CLPX: variants seen among roughly 807,000 people sequenced by gnomAD.
CLPX encodes the protein ATP-dependent clpX-like chaperone, mitochondrial.
A neutral mutation model predicts 76.4 loss-of-function variants in CLPX; 34 were observed. That is an observed-to-expected ratio of 0.45 (90% CI 0.34 to 0.59). The LOEUF is 0.59. Among genes scored for constraint, CLPX ranks in the 20% least tolerant of loss-of-function variants. The probability of loss-of-function intolerance (pLI) is 0.01; values close to 1 mark genes in which losing one functional copy is unlikely to be tolerated. For missense variants in CLPX, 613 were observed against 757.0 expected, an observed-to-expected ratio of 0.81 and a Z score of 2.23; for synonymous variants, 248 against 270.9, an observed-to-expected ratio of 0.92 and a Z score of 0.83.
At chr15:65,185,031 C>CCG in intron 1 of CLPX, 44 bp downstream of exon 1, 1 of 1,505,722 alleles carries the variant, frequency 6.6e-7, no homozygotes, top group Non-Finnish European at 9.0e-7. Flanking sequence ...AGTCCACCCC[C>CCG]CCCCCGACAG....
chr15:65,180,763 G>A (rs930878880), intron 1 of CLPX, among the ~76,000 whole-genome samples: 1 of 151,932 alleles, frequency 6.6e-6, no homozygotes, highest in Non-Finnish European at 1.5e-5. Context: ...AATTGGCCAC[G>A]CATGGTGGTG....
intron 1 of CLPX, among the ~76,000 whole-genome samples, chr15:65,182,072 G>A (rs1173735170): frequency 2.7e-5 from 4 of 148,242 alleles, no homozygotes; most frequent in African/African-American, 1.0e-4. Flanking sequence ...GCAGTGAACC[G>A]AGATGGCACC....
intron 3 of CLPX, among the ~76,000 whole-genome samples, chr15:65,173,789 G>A (rs935285075): frequency 3.3e-5 from 5 of 152,172 alleles, no homozygotes; most frequent in African/African-American, 7.2e-5. Flanking sequence ...GCCACATATC[G>A]TATAATTCCA....
intron 1 of CLPX, among the ~76,000 whole-genome samples, chr15:65,183,036 G>A (rs960917268): frequency 2.0e-5 from 3 of 151,890 alleles, no homozygotes; most frequent in East Asian, 1.9e-4. Context: ...GGTGGCGCGC[G>A]CCTGTAACCC....
chr15:65,156,976 A>T, intron 8 of CLPX, 44 bp from the exon 9 acceptor site: 1 of 1,299,528 alleles, frequency 7.7e-7, no homozygotes, highest in East Asian at 2.3e-5. Flanking sequence ...AAAAAGATAT[A>T]CACAAGATAG....
Position 65,150,805 on chromosome 15 carries a change from A to G in CLPX, c.*18T>C, listed in dbSNP as rs757174098. ...AAAAGAAGGAAAAGCTGTATATACA[A>G]GACAGCAATATGACAGTTTAGCTGT... On this transcript the variant is annotated 3_prime_UTR_variant, in exon 14 of 14. Coordinates refer to ENST00000300107, the MANE Select transcript of CLPX (RefSeq NM_006660.5). 5.7e-6 allele frequency: 9 copies of G among 1,575,856 alleles called. No individual in the cohort carries two copies. In the East Asian group the frequency reaches 2.0e-4, roughly 35 times the overall value.
chr15:65,171,714 C>T lies in CLPX; in HGVS notation c.359-4929G>A, dbSNP rs150927885. ...GGCAAGGATTAAAGGGCAGAGAAGCCGCTGATCTAGTTCAGGCAGTGTGAC... is the reference window on the plus strand; with the variant it reads ...GGCAAGGATTAAAGGGCAGAGAAGCTGCTGATCTAGTTCAGGCAGTGTGAC... On this transcript the variant is annotated intron_variant, in intron 3 of 13. Transcript: ENST00000300107. 7.2e-4 allele frequency among the ~76,000 whole-genome samples: 110 copies of T among 152,220 alleles called. 1 individual carries two copies. Among genetic ancestry groups the T allele is most frequent in the African/African-American group, 2.6e-3 (108 of 41,526 alleles).
chr15:65,170,418 C>G (rs1482278027), intron 3 of CLPX, among the ~76,000 whole-genome samples: 1 of 151,966 alleles, frequency 6.6e-6, no homozygotes, highest in African/African-American at 2.4e-5. Flanking sequence ...GCAAGCACAC[C>G]TACGTCTTTA....
intron 2 of CLPX, among the ~76,000 whole-genome samples, chr15:65,179,431 T>G (rs1447919540): frequency 6.6e-6 from 1 of 152,184 alleles, no homozygotes; most frequent in Non-Finnish European, 1.5e-5. Flanking sequence ...ATCTAACTTT[T>G]CTCATCTCTA....
intron 11 of CLPX, chr15:65,154,556 T>C: frequency 2.2e-6 from 1 of 461,584 alleles, no homozygotes; most frequent in Admixed American, 3.8e-5. Flanking sequence ...ATTATTTTTC[T>C]TGGGCTTTAG....
chr15:65,179,165 G>T, intron 2 of CLPX, 114 bp from the exon 3 acceptor site: 1 of 575,842 alleles, frequency 1.7e-6, no homozygotes, highest in African/African-American at 1.9e-5. Context: ...ATATTTCTAG[G>T]ATGAAATTAT....
At chr15:65,183,458 C>T (rs562124101) in intron 1 of CLPX, among the ~76,000 whole-genome samples, 77 of 44,650 alleles carry the variant, frequency 1.7e-3, no homozygotes, top group African/African-American at 6.1e-3. Context: ...GAGACTCTGT[C>T]TCAAAAAAAA....
intron 8 of CLPX, 138 bp downstream of exon 8, chr15:65,157,608 G>A: frequency 1.2e-6 from 1 of 855,708 alleles, no homozygotes; most frequent in African/African-American, 1.8e-5. Flanking sequence ...CAGTATGCTA[G>A]AAATTATGTA....
intron 3 of CLPX, among the ~76,000 whole-genome samples, chr15:65,167,605 T>C (rs890355237): frequency 2.6e-5 from 4 of 151,940 alleles, no homozygotes; most frequent in African/African-American, 7.2e-5. Flanking sequence ...TTCGGGCGTG[T>C]TGGCTCATGC....
chr15:65,172,556 C>A (rs1354980665), intron 3 of CLPX, among the ~76,000 whole-genome samples: 2 of 152,002 alleles, frequency 1.3e-5, no homozygotes, highest in Non-Finnish European at 1.5e-5. Flanking sequence ...TGCTTGAATC[C>A]GAGAGGTGGA....
At chr15:65,183,849 C>G (rs1435600369) in intron 1 of CLPX, among the ~76,000 whole-genome samples, 1 of 152,208 alleles carries the variant, frequency 6.6e-6, no homozygotes, top group Non-Finnish European at 1.5e-5. Context: ...GAAGGCCTGA[C>G]ACACAGTGGA....
In CLPX at chr15:65,165,406, C is replaced by T. The variant is rs1304559450; in HGVS notation, c.514-1218G>A. 9.5e-5 allele frequency among the ~76,000 whole-genome samples: 9 copies of T among 94,996 alleles called. No homozygotes were observed. The South Asian group carries it at 1.4e-3, about 15-fold the overall frequency. 62.3% of individuals were successfully genotyped at this position (94,996 alleles called of 152,430 possible). A position where few individuals can be genotyped will look rare whatever the true frequency, so the allele number is the denominator to read the frequency against. Reference sequence around the variant, plus strand: ...TTTTTTTTTTTTTTTTTTTTTGAGACGGAGTCTCGCTCTTTCACCCAGGCT... The same window carrying T: ...TTTTTTTTTTTTTTTTTTTTTGAGATGGAGTCTCGCTCTTTCACCCAGGCT... On this transcript the variant is annotated intron_variant, in intron 4 of 13. Transcript: ENST00000300107.
At chr15:65,184,083 T>A (rs1490446928) in intron 1 of CLPX, among the ~76,000 whole-genome samples, 1 of 152,210 alleles carries the variant, frequency 6.6e-6, no homozygotes, top group African/African-American at 2.4e-5. Context: ...GGAAGATATA[T>A]TTAGTAAACA....
Position 65,185,306 on chromosome 15 carries a change from A to T in CLPX, c.-153T>A, listed in dbSNP as rs1242728811. 2 of 612,566 alleles carry T rather than the reference A, an allele frequency of 3.3e-6. No homozygotes were observed. The highest frequency in any genetic ancestry group is 5.8e-6 in the Non-Finnish European group (2 of 345,928). 37.9% of individuals were successfully genotyped at this position (612,566 alleles called of 1,614,324 possible). ...TCACCTGCCCGGCAGCCAGGCCTTCACGCTTCTCTGCCCCACAGCCGTCTA... is the reference window on the plus strand; with the variant it reads ...TCACCTGCCCGGCAGCCAGGCCTTCTCGCTTCTCTGCCCCACAGCCGTCTA... On this transcript the variant is annotated 5_prime_UTR_variant, in exon 1 of 14. Coordinates refer to ENST00000300107, the MANE Select transcript of CLPX (RefSeq NM_006660.5).
Sources: gnomAD v4.1 joint callset for allele counts (sites outside exome capture counted in the v4.1 genomes callset) on GRCh38, gnomAD v4.1.1 for gene constraint, MANE v1.5 for transcripts, NCBI Gene and HGNC (gene_info 2026-07-23, HGNC 2026-07-21) for gene names.